Variants in CUBN observed in about 807,000 individuals in gnomAD.
The protein encoded by CUBN is cubilin.
A neutral mutation model predicts 405.3 loss-of-function variants in CUBN; 282 were observed. The ratio of observed to expected loss-of-function variants is 0.70; its 90% CI spans 0.63 to 0.77. CUBN has a LOEUF of 0.77. Among genes scored for constraint, CUBN ranks in the 30% least tolerant of loss-of-function variants. The probability of loss-of-function intolerance (pLI) is 0.00; values close to 1 mark genes in which losing one functional copy is unlikely to be tolerated. For synonymous variants in CUBN, 1,684 were observed against 1,617.0 expected (o/e 1.04, Z -0.99); for missense variants, 4,514 against 4,475.2 (o/e 1.01, Z -0.25).
chr10:16,919,625 G>A lies in CUBN; in HGVS notation c.6821+338C>T, dbSNP rs142739400. ...CAGACATTTTATCATTTGTGACACC[G>A]AATATGAGGCTGGTCAAATAAATAT... is the stretch of plus-strand genomic sequence containing the variant. On this transcript the variant is annotated intron_variant, in intron 44 of 66. Coordinates refer to ENST00000377833, the MANE Select transcript of CUBN (RefSeq NM_001081.4). 5.9e-3 allele frequency among the ~76,000 whole-genome samples: 901 copies of A among 152,200 alleles called. 8 individuals are homozygous for A. Among genetic ancestry groups the A allele is most frequent in the African/African-American group, 0.019 (775 of 41,508 alleles).
At chr10:16,971,388 C>A (rs576775676) in intron 31 of CUBN, among the ~76,000 whole-genome samples, 1 of 152,372 alleles carries the variant, frequency 6.6e-6, no homozygotes, top group South Asian at 2.1e-4. Flanking sequence ...AGCTTCCAGC[C>A]TTGCCAGGGC....
chr10:17,040,839 A>AGAT (rs1402240738), intron 27 of CUBN, among the ~76,000 whole-genome samples, 194 bp downstream of exon 27: 5 of 152,322 alleles, frequency 3.3e-5, no homozygotes, highest in African/African-American at 1.2e-4. Context: ...CTAAAAACAT[A>AGAT]GATAGTTCTC....
intron 28 of CUBN, among the ~76,000 whole-genome samples, chr10:17,013,695 A>G (rs1185451751): frequency 2.0e-5 from 3 of 152,336 alleles, no homozygotes; most frequent in Non-Finnish European, 4.4e-5. Flanking sequence ...TGCTATCTGT[A>G]TACACATTTA....
chr10:17,104,294 T>C, intron 12 of CUBN, 125 bp downstream of exon 12: 1 of 768,142 alleles, frequency 1.3e-6, no homozygotes. Flanking sequence ...AGGAAAGACT[T>C]AGTTCTCAGT....
rs1258327523 is a variant in CUBN at position 16,988,934 on chromosome 10, A to G, written c.4350+1400T>C. ...ACCTCATGGAACGATTTAATGTTTA[A>G]ATGAGAACATGGAGGTAAAAATTCC... On this transcript the variant is annotated intron_variant, in intron 29 of 66. Coordinates refer to ENST00000377833, the MANE Select transcript of CUBN (RefSeq NM_001081.4). Among the ~76,000 whole-genome samples, 3 of 152,342 alleles carry G rather than the reference A, an allele frequency of 2.0e-5. No individual in the cohort carries two copies. The South Asian group carries it at 6.2e-4, about 32-fold the overall frequency.
At position 17,085,847 on chromosome 10, in the gene CUBN, T is replaced by C. The variant is rs186752969; in HGVS notation, c.1948-88A>G. 1,380 of 1,242,058 alleles carry C rather than the reference T, an allele frequency of 1.1e-3. 1 individual carries two copies. Among genetic ancestry groups the C allele is most frequent in the Non-Finnish European group, 1.4e-3 (1,206 of 864,408 alleles). 76.9% of individuals were successfully genotyped at this position (1,242,058 alleles called of 1,614,324 possible). A position where few individuals can be genotyped will look rare whatever the true frequency, so the allele number is the denominator to read the frequency against. ...TTGGATATTAACTTCATAAAATCTATCATTTAAAAGTGATCGCTCAAGGAA... is the reference window on the plus strand; with the variant it reads ...TTGGATATTAACTTCATAAAATCTACCATTTAAAAGTGATCGCTCAAGGAA... On this transcript the variant is annotated intron_variant, in intron 15 of 66. Coordinates refer to ENST00000377833, the MANE Select transcript of CUBN (RefSeq NM_001081.4).
intron 48 of CUBN, among the ~76,000 whole-genome samples, chr10:16,909,351 C>G (rs1841655803): frequency 1.3e-5 from 2 of 152,172 alleles, no homozygotes; most frequent in African/African-American, 4.8e-5. Context: ...CCTGTCTTAT[C>G]TAATCAACAA....
At chr10:16,997,109 T>C (rs11254324) in intron 28 of CUBN, among the ~76,000 whole-genome samples, 3,147 of 152,338 alleles carry the variant, frequency 0.021, 120 homozygotes, top group East Asian at 0.15. Context: ...ATGTGCTTCA[T>C]TGGCAAGGCC....
intron 14 of CUBN, among the ~76,000 whole-genome samples, chr10:17,094,783 TG>T (rs1326389805): frequency 1.3e-5 from 2 of 152,006 alleles, no homozygotes; most frequent in African/African-American, 4.8e-5. Context: ...GAAAGAATAC[TG>T]TTAAAATGTC....
chr10:17,087,876 G>A (rs1012995911), intron 15 of CUBN, among the ~76,000 whole-genome samples: 2 of 152,172 alleles, frequency 1.3e-5, no homozygotes, highest in Admixed American at 6.5e-5. Context: ...ATTACTGAGT[G>A]TTTATTTCAT....
chr10:16,955,509 T>A (rs1052477705), intron 31 of CUBN, among the ~76,000 whole-genome samples: 1 of 152,024 alleles, frequency 6.6e-6, no homozygotes, highest in Non-Finnish European at 1.5e-5. Context: ...GGAATCTATG[T>A]CACATATACC....
At chr10:17,109,816 T>C in intron 9 of CUBN, 81 bp from the exon 10 acceptor site, 4 of 1,066,416 alleles carry the variant, frequency 3.8e-6, no homozygotes, top group Non-Finnish European at 5.8e-6. Context: ...TCAAATATCA[T>C]GAAATGGACC....
At chr10:16,834,488 G>A (rs1414678742) in intron 64 of CUBN, among the ~76,000 whole-genome samples, 1 of 152,146 alleles carries the variant, frequency 6.6e-6, no homozygotes, top group Admixed American at 6.5e-5. Context: ...AGAAAGGACA[G>A]ACCACACCCC....
rs1835658569 is a variant in CUBN at position 17,068,296 on chromosome 10, T to A, written c.2792-16A>T. On this transcript the variant is annotated splice_polypyrimidine_tract_variant and intron_variant, in intron 20 of 66. Coordinates refer to ENST00000377833, the MANE Select transcript of CUBN (RefSeq NM_001081.4). Reference sequence around the variant, plus strand: ...TCTCCACATGCTGTTGAAATAAAAATTATAATTACTGCAGCAAGTAACCAA... The same window carrying A: ...TCTCCACATGCTGTTGAAATAAAAAATATAATTACTGCAGCAAGTAACCAA... The A allele has an allele frequency of 6.2e-7, 1 of 1,610,896 alleles. No homozygotes were observed. The highest frequency in any genetic ancestry group is 8.5e-7 in the Non-Finnish European group (1 of 1,177,254).
chr10:17,060,431 G>A (rs1419978953), intron 22 of CUBN, among the ~76,000 whole-genome samples: 1 of 152,016 alleles, frequency 6.6e-6, no homozygotes, highest in East Asian at 1.9e-4. Context: ...ACAATCCCTG[G>A]TTTTTCTACA....
chr10:17,006,900 A>G (rs1280445675), intron 28 of CUBN, among the ~76,000 whole-genome samples: 1 of 152,202 alleles, frequency 6.6e-6, no homozygotes, highest in African/African-American at 2.4e-5. Flanking sequence ...AGAAAAGGCC[A>G]CTTTTTCCTT....
chr10:16,868,121 C>T (rs1349196871), intron 59 of CUBN, among the ~76,000 whole-genome samples: 1 of 152,118 alleles, frequency 6.6e-6, no homozygotes, highest in Non-Finnish European at 1.5e-5. Context: ...ACTTCACCTA[C>T]ACAATTCTGT....
Position 17,114,181 on chromosome 10 carries a change from G to A in CUBN, c.729C>T (p.Tyr243=), listed in dbSNP as rs1304577367. The stretch of plus-strand genomic sequence containing the variant: ...TCCACCCAGCATCACAGACGCAGCT[G>A]TACTTGGGCTGGCAGGATGACAACA... ...LMREQAGEPK[Y]SCVCDAGWMF... The change falls in exon 8 of 67, where the codon TAC becomes TAT. Residue 243 remains tyrosine (Y), a synonymous_variant. Transcript: ENST00000377833. The A allele has an allele frequency of 6.2e-7, 1 of 1,613,672 alleles. No individual in the cohort carries two copies. Among genetic ancestry groups the A allele is most frequent in the African/African-American group, 1.3e-5 (1 of 74,940 alleles).
intron 31 of CUBN, among the ~76,000 whole-genome samples, chr10:16,956,062 C>G (rs914101601): frequency 6.6e-6 from 1 of 152,116 alleles, no homozygotes; most frequent in Non-Finnish European, 1.5e-5. Flanking sequence ...GGAAGTTACT[C>G]GCAAGTGACT....
Sources: gnomAD v4.1 joint callset for allele counts (sites outside exome capture counted in the v4.1 genomes callset) on GRCh38, gnomAD v4.1.1 for gene constraint, MANE v1.5 for transcripts, NCBI Gene and HGNC (gene_info 2026-07-23, HGNC 2026-07-21) for gene names.